The following NKAIN2 variants were observed in gnomAD, a reference collection of about 807,000 sequenced individuals.
NKAIN2 encodes sodium/potassium transporting ATPase interacting 2.
Under a neutral mutation model 32.6 loss-of-function variants are expected in NKAIN2, and 14 were observed. That is an observed-to-expected ratio of 0.43 (90% CI 0.28 to 0.67). The LOEUF (loss-of-function observed/expected upper bound fraction) is 0.67. Among genes scored for constraint, NKAIN2 ranks in the 30% least tolerant of loss-of-function variants. The pLI, the probability that NKAIN2 is intolerant of heterozygous loss-of-function variation, is 0.17. For synonymous variants in NKAIN2, 80 were observed against 87.2 expected, an observed-to-expected ratio of 0.92 and a Z score of 0.46; for missense variants, 198 against 258.3, an observed-to-expected ratio of 0.77 and a Z score of 1.60.
intron 1 of NKAIN2, among the ~76,000 whole-genome samples, chr6:123,814,058 GA>G (rs1773592907): frequency 6.6e-6 from 1 of 152,034 alleles, no homozygotes; most frequent in Non-Finnish European, 1.5e-5. Flanking sequence ...TCACCCAAAA[GA>G]TAGTAAATTA....
chr6:124,134,311 A>G (rs114321596), intron 1 of NKAIN2, among the ~76,000 whole-genome samples: 1,667 of 152,254 alleles, frequency 0.011, 36 homozygotes, highest in African/African-American at 0.037. Flanking sequence ...GCTTGAAGAC[A>G]AGGCTTTCAA....
intron 2 of NKAIN2, among the ~76,000 whole-genome samples, chr6:124,342,204 A>G (rs1378012113): frequency 1.3e-5 from 2 of 151,852 alleles, no homozygotes; most frequent in African/African-American, 2.4e-5. Flanking sequence ...GATCGAGACC[A>G]TCTTGGCTGA....
intron 3 of NKAIN2, among the ~76,000 whole-genome samples, chr6:124,654,836 A>G (rs1388885389): frequency 6.6e-6 from 1 of 152,188 alleles, no homozygotes; most frequent in Non-Finnish European, 1.5e-5. Context: ...GAGGCATGCA[A>G]TGGATCCTTC....
At chr6:124,275,434 ATCT>A (rs1422717789) in intron 1 of NKAIN2, among the ~76,000 whole-genome samples, 2 of 151,328 alleles carry the variant, frequency 1.3e-5, no homozygotes, top group African/African-American at 4.9e-5. Context: ...CTTATGCCAA[ATCT>A]TCTCCAATAT....
At chr6:124,160,106 C>G (rs1031756870) in intron 1 of NKAIN2, among the ~76,000 whole-genome samples, 1 of 152,100 alleles carries the variant, frequency 6.6e-6, no homozygotes, top group Admixed American at 6.6e-5. Context: ...AGAGTACAAT[C>G]GGGAAAAGAG....
intron 3 of NKAIN2, among the ~76,000 whole-genome samples, chr6:124,422,418 C>A (rs1774796978): frequency 6.6e-6 from 1 of 152,276 alleles, no homozygotes; most frequent in Admixed American, 6.5e-5. Context: ...TATCCCATTG[C>A]CTGCATGCCC....
chr6:124,144,067 A>C (rs773871151), intron 1 of NKAIN2, among the ~76,000 whole-genome samples: 2 of 152,216 alleles, frequency 1.3e-5, no homozygotes, highest in Non-Finnish European at 2.9e-5. Flanking sequence ...TAATGAAGAG[A>C]TGTGCCATTT....
chr6:124,524,419 G>C (rs9375336), intron 3 of NKAIN2, among the ~76,000 whole-genome samples: 3,927 of 152,038 alleles, frequency 0.026, 191 homozygotes, highest in East Asian at 0.17. Flanking sequence ...TATACCTTCA[G>C]TTTGCTTAGC....
Position 124,169,683 on chromosome 6 carries a change from C to T in NKAIN2, c.55-113322C>T, listed in dbSNP as rs145942225. ...TTCTGAGCCATGCTGATTCTTAGTGCGTATGTTTTTTTTCTCCATGCACTT... is the reference window on the plus strand; with the variant it reads ...TTCTGAGCCATGCTGATTCTTAGTGTGTATGTTTTTTTTCTCCATGCACTT... On this transcript the variant is annotated intron_variant, in intron 1 of 6. Transcript: ENST00000368417. 1.6e-3 allele frequency among the ~76,000 whole-genome samples: 243 copies of T among 152,140 alleles called. 1 individual carries two copies. Among genetic ancestry groups the T allele is most frequent in the African/African-American group, 4.9e-3 (202 of 41,518 alleles).
chr6:124,779,878 C>A (rs1421200303), intron 4 of NKAIN2, among the ~76,000 whole-genome samples: 1 of 152,076 alleles, frequency 6.6e-6, no homozygotes, highest in East Asian at 1.9e-4. Context: ...AAATGTTGAC[C>A]TAAAACACAA....
At chr6:124,749,181 C>A (rs1777595474) in intron 4 of NKAIN2, among the ~76,000 whole-genome samples, 1 of 151,898 alleles carries the variant, frequency 6.6e-6, no homozygotes, top group Non-Finnish European at 1.5e-5. Context: ...CTGCTTGAGT[C>A]TTCCTCCATC....
At chr6:124,097,305 G>C (rs776605987) in intron 1 of NKAIN2, among the ~76,000 whole-genome samples, 2 of 151,412 alleles carry the variant, frequency 1.3e-5, no homozygotes, top group Non-Finnish European at 2.9e-5. Context: ...GAGGCTGAAT[G>C]AAGCGGGAGA....
chr6:124,322,025 C>T (rs750611252), intron 2 of NKAIN2, among the ~76,000 whole-genome samples: 10 of 152,068 alleles, frequency 6.6e-5, no homozygotes, highest in Non-Finnish European at 1.3e-4. Context: ...TTCTGCAATA[C>T]TCGAAACATA....
intron 1 of NKAIN2, among the ~76,000 whole-genome samples, chr6:123,975,037 A>G (rs1216803212): frequency 6.6e-6 from 1 of 152,136 alleles, no homozygotes; most frequent in African/African-American, 2.4e-5. Flanking sequence ...TTTGGTTATT[A>G]AGGGGAAGGG....
At chr6:124,692,038 A>G (rs1774282390) in intron 4 of NKAIN2, among the ~76,000 whole-genome samples, 1 of 152,156 alleles carries the variant, frequency 6.6e-6, no homozygotes, top group Admixed American at 6.5e-5. Context: ...TTCGAATAAA[A>G]CTGAATATTT....
chr6:124,023,922 A>G (rs1292896111), intron 1 of NKAIN2, among the ~76,000 whole-genome samples: 1 of 152,162 alleles, frequency 6.6e-6, no homozygotes, highest in Non-Finnish European at 1.5e-5. Context: ...TGGGATAAGG[A>G]AAAGATAGGA....
At chr6:124,174,646 TC>T (rs1441301072) in intron 1 of NKAIN2, among the ~76,000 whole-genome samples, 1 of 152,054 alleles carries the variant, frequency 6.6e-6, no homozygotes, top group Non-Finnish European at 1.5e-5. Flanking sequence ...TAGGGAATGG[TC>T]AAAGAGAGTG....
chr6:123,913,484 G>T (rs999223887), intron 1 of NKAIN2, among the ~76,000 whole-genome samples: 8 of 152,206 alleles, frequency 5.3e-5, no homozygotes, highest in Middle Eastern at 3.4e-3. Context: ...GTGCTTTATA[G>T]TATTTAGAAA....
At chr6:124,230,728 A>T (rs988424081) in intron 1 of NKAIN2, among the ~76,000 whole-genome samples, 1 of 152,204 alleles carries the variant, frequency 6.6e-6, no homozygotes, top group African/African-American at 2.4e-5. Flanking sequence ...CACCGAAGTT[A>T]AGAATTGGAG....
Sources: allele counts gnomAD v4.1 joint callset (sites outside exome capture counted in the v4.1 genomes callset), GRCh38; gene constraint gnomAD v4.1.1; transcripts MANE v1.5; gene names NCBI Gene and HGNC (gene_info 2026-07-23, HGNC 2026-07-21).